GPR89B: variants seen among roughly 807,000 people sequenced by gnomAD.
GPR89B encodes G protein-coupled receptor 89B.
A neutral mutation model predicts 52.4 loss-of-function variants in GPR89B; 25 were observed. The observed-to-expected ratio is 0.48, with a 90% confidence interval of 0.35 to 0.67. The LOEUF is 0.67. Ranked by LOEUF, GPR89B falls within the 30% of genes least tolerant of loss-of-function variation. GPR89B has a pLI of 0.01. For missense variants in GPR89B, 146 were observed against 450.2 expected (o/e 0.32, Z 6.11); for synonymous variants, 52 against 151.2 (o/e 0.34, Z 4.81).
downstream of GPR89B, among the ~76,000 whole-genome samples, chr1:147,997,947 C>A (rs1659355090): frequency 6.6e-6 from 1 of 152,148 alleles, no homozygotes; most frequent in Non-Finnish European, 1.5e-5. Context: ...GCTGTCACTT[C>A]TATTATGCCA....
At chr1:147,988,813 A>G (rs1450827715) in intron 12 of GPR89B, among the ~76,000 whole-genome samples, 1 of 151,984 alleles carries the variant, frequency 6.6e-6, no homozygotes, top group African/African-American at 2.4e-5. Flanking sequence ...GCAGTGAGCC[A>G]AGGTCACACA....
intron 5 of GPR89B, among the ~76,000 whole-genome samples, chr1:147,950,518 T>G (rs1448690340): frequency 6.6e-6 from 1 of 151,696 alleles, no homozygotes; most frequent in Non-Finnish European, 1.5e-5. Flanking sequence ...CGCTCCTCAC[T>G]TCCCAGACGG....
intron 5 of GPR89B, among the ~76,000 whole-genome samples, chr1:147,950,038 C>G (rs1221772623): frequency 1.4e-5 from 2 of 146,388 alleles, no homozygotes; most frequent in Non-Finnish European, 3.0e-5. Context: ...CTCCCCACCT[C>G]CCTCCCGGAC....
intron 10 of GPR89B, among the ~76,000 whole-genome samples, chr1:147,979,356 CCTT>C (rs1236233990): frequency 2.7e-4 from 41 of 152,148 alleles, no homozygotes; most frequent in Non-Finnish European, 5.3e-4. Flanking sequence ...ATCCTTCCTT[CCTT>C]CTTCTTATCC....
At chr1:147,945,649 G>A (rs1462149309) in intron 5 of GPR89B, among the ~76,000 whole-genome samples, 5 of 151,884 alleles carry the variant, frequency 3.3e-5, no homozygotes, top group Admixed American at 6.6e-5. Flanking sequence ...CTTAGGTGGC[G>A]TATGAGACCT....
intron 10 of GPR89B, among the ~76,000 whole-genome samples, chr1:147,985,774 T>C (rs1263489128): frequency 3.9e-5 from 6 of 152,250 alleles, no homozygotes; most frequent in African/African-American, 1.4e-4. Flanking sequence ...CATTATTCCA[T>C]TTGATATCGT....
chr1:147,968,435 T>C, intron 8 of GPR89B: 1 of 454,194 alleles, frequency 2.2e-6, no homozygotes, highest in Non-Finnish European at 4.4e-6. Context: ...TAAGGTAATG[T>C]CTGTAAATCC....
Position 147,950,094 on chromosome 1 carries a change from G to A in GPR89B, c.416-3251G>A, listed in dbSNP as rs1195606353. On this transcript the variant is annotated intron_variant, in intron 5 of 13. Coordinates refer to ENST00000314163, the MANE Select transcript of GPR89B (RefSeq NM_016334.5). ...GGGCTGATCCCCCCACCTCCCTCCCGGACGGGGTGGCTGCCGGGCAGAGAC... is the reference window on the plus strand; with the variant it reads ...GGGCTGATCCCCCCACCTCCCTCCCAGACGGGGTGGCTGCCGGGCAGAGAC... 5.9e-5 allele frequency among the ~76,000 whole-genome samples: 9 copies of A among 151,514 alleles called. No individual in the cohort carries two copies. The East Asian group carries it at 7.8e-4, about 13-fold the overall frequency.
At chr1:147,931,088 GAGT>G (rs1389231974) in intron 1 of GPR89B, among the ~76,000 whole-genome samples, 3 of 151,912 alleles carry the variant, frequency 2.0e-5, no homozygotes, top group Non-Finnish European at 2.9e-5. Flanking sequence ...AACTCCTTGA[GAGT>G]AGCATTCATG....
intron 10 of GPR89B, among the ~76,000 whole-genome samples, chr1:147,980,007 G>GC (rs1658120704): frequency 6.6e-6 from 1 of 151,080 alleles, no homozygotes; most frequent in Non-Finnish European, 1.5e-5. Flanking sequence ...GATCGCTTGA[G>GC]CCCAGAAGTC....
At chr1:147,949,973 G>A (rs587645938) in intron 5 of GPR89B, among the ~76,000 whole-genome samples, 10 of 144,840 alleles carry the variant, frequency 6.9e-5, no homozygotes, top group African/African-American at 2.4e-4. Flanking sequence ...CGGGTGTGGG[G>A]CTGACCCCCC....
chr1:147,961,659 A>C (rs1656577463), intron 7 of GPR89B, among the ~76,000 whole-genome samples: 1 of 152,158 alleles, frequency 6.6e-6, no homozygotes, highest in African/African-American at 2.4e-5. Flanking sequence ...AATTTTTTTA[A>C]ATCAATTGTC....
the GPR89B span, among the ~76,000 whole-genome samples, chr1:148,021,098 C>T: frequency 2.0e-5 from 3 of 152,022 alleles, no homozygotes; most frequent in Non-Finnish European, 2.9e-5. Flanking sequence ...CGACTTTTAT[C>T]GTCTCTGCTG....
chr1:147,997,863 G>A (rs1353817927), downstream of GPR89B, among the ~76,000 whole-genome samples: 1 of 152,164 alleles, frequency 6.6e-6, no homozygotes, highest in African/African-American at 2.4e-5. Flanking sequence ...ACCCTTTGCT[G>A]CTTGCCAATA....
chr1:147,968,852 C>A (rs1166725935), intron 8 of GPR89B, 23 bp from the exon 9 acceptor site: 96 of 1,612,866 alleles, frequency 6.0e-5, no homozygotes, highest in African/African-American at 1.1e-4. Flanking sequence ...GTGATTAAAA[C>A]CTTGATGCCC....
intron 5 of GPR89B, among the ~76,000 whole-genome samples, chr1:147,952,287 G>A (rs1413398659): frequency 6.6e-6 from 1 of 151,962 alleles, no homozygotes; most frequent in Admixed American, 6.6e-5. Context: ...CAGAGTGTTA[G>A]ACTGATCCAG....
intron 7 of GPR89B, among the ~76,000 whole-genome samples, chr1:147,963,612 A>G (rs1447903823): frequency 1.3e-5 from 2 of 152,160 alleles, no homozygotes; most frequent in African/African-American, 4.8e-5. Flanking sequence ...GTTAGCCATT[A>G]TGGACATGCC....
chr1:147,983,577 T>C (rs1321624423), intron 10 of GPR89B, among the ~76,000 whole-genome samples: 9 of 151,616 alleles, frequency 5.9e-5, no homozygotes, highest in Non-Finnish European at 1.3e-4. Flanking sequence ...CAAGAAAAAA[T>C]GCTCACCATC....
the GPR89B span, chr1:148,009,589 C>A: frequency 4.1e-6 from 6 of 1,477,348 alleles, no homozygotes; most frequent in Non-Finnish European, 5.6e-6. Context: ...ACCAGATCCA[C>A]AACCTAGGAG....
Sources: gnomAD v4.1 joint callset for allele counts (sites outside exome capture counted in the v4.1 genomes callset) on GRCh38, gnomAD v4.1.1 for gene constraint, MANE v1.5 for transcripts, NCBI Gene and HGNC (gene_info 2026-07-23, HGNC 2026-07-21) for gene names.